The following POLE variants were observed in gnomAD, a reference collection of about 807,000 sequenced individuals.
POLE encodes the protein DNA polymerase epsilon catalytic subunit A.
Under a neutral mutation model 279.2 loss-of-function variants are expected in POLE, and 188 were observed. The ratio of observed to expected loss-of-function variants is 0.67; its 90% CI spans 0.60 to 0.76. The LOEUF (loss-of-function observed/expected upper bound fraction) is 0.76, where lower values mean the gene tolerates loss of function less well. Among genes scored for constraint, POLE ranks in the 30% least tolerant of loss-of-function variants. POLE has a pLI of 0.00. For missense variants in POLE, 2,703 were observed against 3,016.7 expected (o/e 0.90, Z 2.44); for synonymous variants, 1,214 against 1,172.5 (o/e 1.04, Z -0.72).
chr12:132,679,505 C>T lies in POLE; in HGVS notation c.570G>A (p.Leu190=), dbSNP rs770764674. The part of the protein sequence containing the change: ...QDHASDAYTA[L]LSSVLQRGGV... Reference sequence around the variant, plus strand: ...ACAAGACCAAAGTTTACCTGGAAAGCAGAGCTGTGTACGCGTCGCTGGCGT... The same window carrying T: ...ACAAGACCAAAGTTTACCTGGAAAGTAGAGCTGTGTACGCGTCGCTGGCGT... Residue 190 remains leucine (L), a synonymous_variant, in exon 6 of 49, where the codon CTG becomes CTA. Transcript: ENST00000320574. The T allele has an allele frequency of 6.2e-7, 1 of 1,606,046 alleles. No homozygotes were observed. Among genetic ancestry groups the T allele is most frequent in the South Asian group, 1.1e-5 (1 of 90,678 alleles).
Position 132,639,048 on chromosome 12 carries a change from A to C in POLE, c.5552+77T>G, listed in dbSNP as rs962484530. On this transcript the variant is annotated intron_variant, in intron 40 of 48. Coordinates refer to ENST00000320574, the MANE Select transcript of POLE (RefSeq NM_006231.4). The surrounding 1 kb of genome is among the most constrained non-coding windows in gnomAD (Gnocchi z 4.7). Reference sequence around the variant, plus strand: ...CTTATCCCAGAGGCACTGGCTGGCCATGTCTCTGGTTCTGGGGAGTAAGGG... The same window carrying C: ...CTTATCCCAGAGGCACTGGCTGGCCCTGTCTCTGGTTCTGGGGAGTAAGGG... 2.7e-5 allele frequency: 34 copies of C among 1,256,484 alleles called. No homozygotes were observed. Among genetic ancestry groups the C allele is most frequent in the Admixed American group, 1.7e-5 (1 of 57,206 alleles). 77.8% of individuals were successfully genotyped at this position (1,256,484 alleles called of 1,614,324 possible).
In POLE at chr12:132,661,412, A is replaced by T; in HGVS notation, c.2864+115T>A. 1 of 1,200,818 alleles carries T rather than the reference A, an allele frequency of 8.3e-7. No individual in the cohort carries two copies. The allele number at this position is 1,200,818 out of a possible 1,614,324, so 74.4% of individuals were successfully genotyped here. A position where few individuals can be genotyped will look rare whatever the true frequency, so the allele number is the denominator to read the frequency against. The stretch of plus-strand genomic sequence containing the variant: ...TGGTGCAAACGGAATCAGTAAGATC[A>T]CAAGAACCCAGGTCTGTTTCTATCC... On this transcript the variant is annotated intron_variant, in intron 24 of 48. Transcript: ENST00000320574. This position sits in a 1 kb window ranked among gnomAD's most constrained non-coding sequence, Gnocchi z 4.1.
chr12:132,677,649 T>C lies in POLE; in HGVS notation c.649A>G (p.Asn217Asp), dbSNP rs2043086068. ...TCGTACTCGCGCATGTCCACAATGT[T>C]GTCCAACTGGTCAGCTATCTTCTTA... ...TSKKIADQLDNIVDMREYDVP... is the reference protein window; with the variant it reads ...TSKKIADQLDDIVDMREYDVP... Residue 217 changes from asparagine (N) to aspartate (D), a missense_variant, in exon 7 of 49, where the codon AAC becomes GAC. This residue lies in a region of POLE where 1,011 missense variants were observed against 1,111.7 expected (regional missense o/e 0.91). Coordinates refer to ENST00000320574, the MANE Select transcript of POLE (RefSeq NM_006231.4). The C allele has an allele frequency of 6.2e-7, 1 of 1,614,196 alleles. No homozygotes were observed. The highest frequency in any genetic ancestry group is 2.2e-5 in the East Asian group (1 of 44,882).
chr12:132,649,200 C>T (rs1258660348), intron 31 of POLE, 106 bp downstream of exon 31: 3 of 1,498,018 alleles, frequency 2.0e-6, no homozygotes, highest in Middle Eastern at 1.9e-4. Context: ...CAGGAAACTC[C>T]AGGCCCACTC....
rs763403220 is a variant in POLE, at chr12:132,664,341, C to T, written c.2561+29G>A. 1.9e-6 allele frequency: 3 copies of T among 1,602,790 alleles called. No individual in the cohort carries two copies. On this transcript the variant is annotated intron_variant, in intron 22 of 48. Coordinates refer to ENST00000320574, the MANE Select transcript of POLE (RefSeq NM_006231.4). The surrounding 1 kb of genome is among the most constrained non-coding windows in gnomAD (Gnocchi z 5.3). ...CATGCTTGCCCCCAGGACCTGCTCCCAGCCCCACGGCTCCCCTTCTGCACT... is the reference window on the plus strand; with the variant it reads ...CATGCTTGCCCCCAGGACCTGCTCCTAGCCCCACGGCTCCCCTTCTGCACT...
chr12:132,675,338 A>T lies in POLE; in HGVS notation c.1226+60T>A. ...ATGTGGTGACAGCACAGTCTGCAAG[A>T]GGCCTTCAGATCTCGCTCACGGACA... On this transcript the variant is annotated intron_variant, in intron 12 of 48. Transcript: ENST00000320574. The surrounding 1 kb of genome is among the most constrained non-coding windows in gnomAD (Gnocchi z 4.3). The T allele has an allele frequency of 5.7e-6, 9 of 1,585,378 alleles. No homozygotes were observed. Among genetic ancestry groups the T allele is most frequent in the African/African-American group, 1.3e-5 (1 of 74,606 alleles).
chr12:132,678,766 TGCGGCCACTATTGGCCTATAA>T (rs2043109243), intron 6 of POLE, among the ~76,000 whole-genome samples: 1 of 152,108 alleles, frequency 6.6e-6, no homozygotes, highest in African/African-American at 2.4e-5. Context: ...GGCCCACCAT[TGCGGCCACTATTGGCCTATAA>T]GCTCAAATAC....
At chr12:132,687,159 C>G (rs1283326338) in intron 1 of POLE, 95 bp downstream of exon 1, 11 of 742,280 alleles carry the variant, frequency 1.5e-5, no homozygotes, top group South Asian at 5.5e-5. Context: ...CTGCGGGAAC[C>G]GGGCCTCCCT....
chr12:132,659,683 A>G, intron 25 of POLE, 174 bp from the exon 26 acceptor site: 1 of 599,546 alleles, frequency 1.7e-6, no homozygotes. Context: ...ACACACACAC[A>G]CAAAACTTTA....
intron 39 of POLE, among the ~76,000 whole-genome samples, chr12:132,640,586 C>A (rs1224118641): frequency 6.6e-6 from 1 of 152,248 alleles, no homozygotes; most frequent in Non-Finnish European, 1.5e-5. Flanking sequence ...GGCAGAGATG[C>A]CAGCTGCTCT....
chr12:132,625,949 C>A, intron 46 of POLE, 168 bp downstream of exon 46: 2 of 1,107,340 alleles, frequency 1.8e-6, no homozygotes, highest in Admixed American at 4.5e-5. Context: ...GGACAACATT[C>A]CGAACATGGT....
Position 132,626,300 on chromosome 12 carries a change from G to C in POLE, c.6348C>G (p.Thr2116=), listed in dbSNP as rs1555301270. ...GCTTATTCACCTGGTTTGTGATGTT[G>C]GTGTCCAGGGACAGCACCTGCAGAG... ...KYVCKVLSLD[T]NITNQVNKLN... The change falls in exon 46 of 49, where the codon ACC becomes ACG. Residue 2116 remains threonine (T), a synonymous_variant. Transcript: ENST00000320574. 1.9e-6 allele frequency: 3 copies of C among 1,613,658 alleles called. No homozygotes were observed. The highest frequency in any genetic ancestry group is 1.7e-6 in the Non-Finnish European group (2 of 1,180,034).
chr12:132,655,859 T>A (rs762420259), intron 29 of POLE, among the ~76,000 whole-genome samples: 35 of 152,172 alleles, frequency 2.3e-4, no homozygotes, highest in Non-Finnish European at 3.7e-4. Context: ...TCAATATAAC[T>A]CTTGAAATTG....
rs982914293 is a variant in POLE at position 132,661,397 on chromosome 12, G to A, written c.2864+130C>T. On this transcript the variant is annotated intron_variant, in intron 24 of 48. Transcript: ENST00000320574. The surrounding 1 kb of genome is among the most constrained non-coding windows in gnomAD (Gnocchi z 4.1). ...GCGGGCAGACAGAGCTGGTGCAAAC[G>A]GAATCAGTAAGATCACAAGAACCCA... The A allele has an allele frequency of 2.0e-5, 22 of 1,091,530 alleles. No homozygotes were observed. Among genetic ancestry groups the A allele is most frequent in the East Asian group, 1.7e-4 (7 of 42,190 alleles). 67.6% of individuals were successfully genotyped at this position (1,091,530 alleles called of 1,614,324 possible).
rs1555227360 is a variant in POLE at position 132,668,711 on chromosome 12, G to A, written c.1950C>T (p.Thr650=). 6.2e-7 allele frequency: 1 copy of A among 1,614,068 alleles called. No homozygotes were observed. The highest frequency in any genetic ancestry group is 8.5e-7 in the Non-Finnish European group (1 of 1,179,952). Residue 650 remains threonine (T), a synonymous_variant, in exon 18 of 49, where the codon ACC becomes ACT. Coordinates refer to ENST00000320574, the MANE Select transcript of POLE (RefSeq NM_006231.4). The surrounding 1 kb of genome is among the most constrained non-coding windows in gnomAD (Gnocchi z 4.0). ...GCTTATTGAAGTCACAGGCAGCACA[G>A]GTGGCTTCGTCCACCATGGCAGAGG... is the stretch of plus-strand genomic sequence containing the variant. ...LQPSAMVDEA[T]CAACDFNKPG...
rs1229520616 is a variant in POLE, at chr12:132,624,465, G to C, written c.*232C>G. 2 of 585,330 alleles carry C rather than the reference G, an allele frequency of 3.4e-6. No homozygotes were observed. The highest frequency in any genetic ancestry group is 6.1e-6 in the Non-Finnish European group (2 of 327,702). The allele number at this position is 585,330 out of a possible 1,614,324, so 36.3% of individuals were successfully genotyped here. On this transcript the variant is annotated 3_prime_UTR_variant, in exon 49 of 49. Transcript: ENST00000320574. ...GCACTCGCAGCCTCGCTCACGGCCT[G>C]CTTCTTCAGGTGCTCTGGCGAGGCC...
intron 33 of POLE, 43 bp downstream of exon 33, chr12:132,643,794 C>T (rs1418465393): frequency 1.3e-6 from 2 of 1,600,004 alleles, no homozygotes; most frequent in Admixed American, 3.4e-5. Flanking sequence ...TACCACCCTG[C>T]TGGAGCCTCC....
Position 132,661,752 on chromosome 12 carries a change from TCCC to T in POLE, c.2707-71_2707-69del. 6.5e-7 allele frequency: 1 copy of T among 1,527,770 alleles called. No individual in the cohort carries two copies. Among genetic ancestry groups the T allele is most frequent in the Non-Finnish European group, 9.0e-7 (1 of 1,113,662 alleles). 94.6% of individuals were successfully genotyped at this position (1,527,770 alleles called of 1,614,324 possible). On this transcript the variant is annotated intron_variant, in intron 23 of 48. Coordinates refer to ENST00000320574, the MANE Select transcript of POLE (RefSeq NM_006231.4). The surrounding 1 kb of genome is among the most constrained non-coding windows in gnomAD (Gnocchi z 4.1). ...GCCCAAACCTGGAAACCACCTGGTG[TCCC>T]TCCAGGAGTGGATGGATTGACAAAC...
At chr12:132,681,648 G>GTA (rs2043170442) in intron 1 of POLE, among the ~76,000 whole-genome samples, 1 of 152,058 alleles carries the variant, frequency 6.6e-6, no homozygotes, top group African/African-American at 2.4e-5. Flanking sequence ...ATATGACAGG[G>GTA]TATATATATT....
Sources: gnomAD v4.1 joint callset for allele counts (sites outside exome capture counted in the v4.1 genomes callset) on GRCh38, gnomAD v4.1.1 for gene constraint, gnomAD v4.1.1 regional missense constraint, Gnocchi (gnomAD v3.1) non-coding constraint, MANE v1.5 for transcripts, NCBI Gene and HGNC (gene_info 2026-07-23, HGNC 2026-07-21) for gene names.